The following SLC9A2 variants were observed in gnomAD, a reference collection of about 807,000 sequenced individuals.
SLC9A2 encodes the protein solute carrier family 9 member A2.
A neutral mutation model predicts 71.7 loss-of-function variants in SLC9A2; 42 were observed. The observed-to-expected ratio is 0.59, with a 90% CI of 0.46 to 0.76. The LOEUF (loss-of-function observed/expected upper bound fraction) is 0.76. Among genes scored for constraint, SLC9A2 ranks in the 30% least tolerant of loss-of-function variants. The pLI is 0.00. For missense variants in SLC9A2, 829 were observed against 1,017.4 expected (o/e 0.81, Z 2.52); for synonymous variants, 396 against 392.5 (o/e 1.01, Z -0.10).
intron 1 of SLC9A2, among the ~76,000 whole-genome samples, chr2:102,654,692 C>G (rs556374290): frequency 1.3e-5 from 2 of 152,246 alleles, no homozygotes; most frequent in South Asian, 4.1e-4. Flanking sequence ...ATACGTTCTG[C>G]AAAACGCATC....
intron 7 of SLC9A2, among the ~76,000 whole-genome samples, chr2:102,698,484 C>T (rs751002268): frequency 4.6e-5 from 7 of 152,188 alleles, no homozygotes; most frequent in Non-Finnish European, 1.0e-4. Context: ...ATCCCCAAAA[C>T]TCAGCTGCTC....
At chr2:102,683,682 A>C (rs1370617355) in intron 4 of SLC9A2, among the ~76,000 whole-genome samples, 7 of 141,422 alleles carry the variant, frequency 4.9e-5, no homozygotes, top group East Asian at 2.0e-4. Flanking sequence ...TCCTTTTCTT[A>C]TCCTTTCTCA....
intron 3 of SLC9A2, among the ~76,000 whole-genome samples, chr2:102,670,897 C>T (rs1432675709): frequency 9.0e-6 from 1 of 111,388 alleles, no homozygotes; most frequent in Non-Finnish European, 1.8e-5. Flanking sequence ...TTTGGTTTAC[C>T]CACACTTTGT....
intron 1 of SLC9A2, among the ~76,000 whole-genome samples, chr2:102,654,129 G>A (rs193275669): frequency 7.2e-5 from 11 of 151,990 alleles, no homozygotes; most frequent in East Asian, 1.9e-4. Flanking sequence ...GATTGCTACC[G>A]CGTTAAGGAA....
intron 1 of SLC9A2, among the ~76,000 whole-genome samples, chr2:102,632,540 T>G (rs913999511): frequency 2.0e-5 from 3 of 152,128 alleles, no homozygotes; most frequent in African/African-American, 7.2e-5. Context: ...TGTTTATCAC[T>G]GCACATGGGC....
At chr2:102,650,669 C>T (rs1276522555) in intron 1 of SLC9A2, among the ~76,000 whole-genome samples, 1 of 152,106 alleles carries the variant, frequency 6.6e-6, no homozygotes, top group Admixed American at 6.6e-5. Context: ...TGCTTTCTTT[C>T]CTTATTGTTG....
chr2:102,657,649 T>A lies in SLC9A2; in HGVS notation c.375T>A (p.Ile125=), dbSNP rs768072167. The A allele has an allele frequency of 6.2e-7, 1 of 1,614,178 alleles. No individual in the cohort carries two copies. Among genetic ancestry groups the A allele is most frequent in the Non-Finnish European group, 8.5e-7 (1 of 1,180,012 alleles). The stretch of plus-strand genomic sequence containing the variant: ...TTGGACTTCTACTAGGTGGGATTAT[T>A]TTTGGTGTTGATGAGAAGTCTCCCC... The part of the protein sequence containing the change: ...IMVGLLLGGI[I]FGVDEKSPPA... Residue 125 remains isoleucine (I), a synonymous_variant, in exon 2 of 12, where the codon ATT becomes ATA. Transcript: ENST00000233969.
In SLC9A2 at chr2:102,698,166, A is replaced by G. The variant is rs556813355; in HGVS notation, c.1587-2904A>G. On this transcript the variant is annotated intron_variant, in intron 7 of 11. Coordinates refer to ENST00000233969, the MANE Select transcript of SLC9A2 (RefSeq NM_003048.6). ...GTGTTGCTGTCAGGAGTCCTGGTCC[A>G]ATGGGCCTAACATAAAACTCCAATT... 3.9e-5 allele frequency among the ~76,000 whole-genome samples: 6 copies of G among 152,294 alleles called. No homozygotes were observed. In the South Asian group the frequency reaches 6.2e-4, roughly 16 times the overall value.
intron 3 of SLC9A2, among the ~76,000 whole-genome samples, chr2:102,670,849 C>CTTTTTTTTTTT (rs10687841): frequency 1.6e-4 from 12 of 75,890 alleles, no homozygotes; most frequent in East Asian, 1.0e-3. Context: ...GGAAGGCATG[C>CTTTTTTTTTTT]TTTTTTTTTT....
At chr2:102,632,051 CAT>C (rs1198957583) in intron 1 of SLC9A2, among the ~76,000 whole-genome samples, 7 of 109,612 alleles carry the variant, frequency 6.4e-5, no homozygotes, top group African/African-American at 3.4e-4. Flanking sequence ...TACACACACA[CAT>C]ATATATACAC....
chr2:102,706,133 C>G lies in SLC9A2; in HGVS notation c.2068+197C>G, dbSNP rs1228453310. On this transcript the variant is annotated intron_variant, in intron 11 of 11. Coordinates refer to ENST00000233969, the MANE Select transcript of SLC9A2 (RefSeq NM_003048.6). ...AGGAGATCGAGACCATCCTGGCTAACAAGGTGAAACCCCGTCTCTACTGAA... is the reference window on the plus strand; with the variant it reads ...AGGAGATCGAGACCATCCTGGCTAAGAAGGTGAAACCCCGTCTCTACTGAA... Among the ~76,000 whole-genome samples, 21 of 15,608 alleles carry G rather than the reference C, an allele frequency of 1.3e-3. 8 individuals carry two copies. The highest frequency in any genetic ancestry group is 0.013 in the Admixed American group (17 of 1,318). 10.2% of individuals were successfully genotyped at this position (15,608 alleles called of 152,430 possible).
At chr2:102,689,752 G>A (rs1377351650) in intron 5 of SLC9A2, 2 of 152,358 alleles carry the variant, frequency 1.3e-5, no homozygotes, top group East Asian at 3.9e-4. Flanking sequence ...GTATAAGACA[G>A]TTCCATGTGT....
At chr2:102,701,000 AT>A in intron 7 of SLC9A2, 69 bp from the exon 8 acceptor site, 1 of 1,123,888 alleles carries the variant, frequency 8.9e-7, no homozygotes, top group Non-Finnish European at 1.3e-6. Flanking sequence ...AAATGACTTC[AT>A]TGGTAAAAAC....
At chr2:102,695,770 A>AAT (rs1677744607) in intron 7 of SLC9A2, among the ~76,000 whole-genome samples, 1 of 99,668 alleles carries the variant, frequency 1.0e-5, no homozygotes, top group African/African-American at 3.6e-5. Context: ...ATATATATAT[A>AAT]ATATATATTA....
chr2:102,704,765 T>G lies in SLC9A2; in HGVS notation c.1977+90T>G, dbSNP rs1264224278. 6 of 1,403,620 alleles carry G rather than the reference T, an allele frequency of 4.3e-6. No homozygotes were observed. In the East Asian group the frequency reaches 1.0e-4, roughly 24 times the overall value. 86.9% of individuals were successfully genotyped at this position (1,403,620 alleles called of 1,614,324 possible). ...CTGATGGTATCATCAGCTCTGCAGA[T>G]CAAGTGGCTGTTGACAGTTCTCTGA... On this transcript the variant is annotated intron_variant, in intron 10 of 11. Transcript: ENST00000233969.
Position 102,661,815 on chromosome 2 carries a change from G to A in SLC9A2, c.754-3285G>A, listed in dbSNP as rs114132630. 2.2e-3 allele frequency among the ~76,000 whole-genome samples: 328 copies of A among 152,222 alleles called. 2 individuals are homozygous for A. The highest frequency in any genetic ancestry group is 5.4e-3 in the East Asian group (28 of 5,176). Reference sequence around the variant, plus strand: ...GTCAAGGGGAGACCAACTTTGCACCGACTCACTAGAGTCATTTGTAGCCCA... The same window carrying A: ...GTCAAGGGGAGACCAACTTTGCACCAACTCACTAGAGTCATTTGTAGCCCA... On this transcript the variant is annotated intron_variant, in intron 2 of 11. Transcript: ENST00000233969.
intron 2 of SLC9A2, among the ~76,000 whole-genome samples, chr2:102,658,602 A>C (rs887443485): frequency 6.6e-6 from 1 of 151,662 alleles, no homozygotes; most frequent in African/African-American, 2.4e-5. Flanking sequence ...CTACTCAACC[A>C]GCACATTTCT....
chr2:102,634,643 A>T (rs1676433502), intron 1 of SLC9A2, among the ~76,000 whole-genome samples: 1 of 152,196 alleles, frequency 6.6e-6, no homozygotes, highest in Non-Finnish European at 1.5e-5. Flanking sequence ...GCTGTTATGA[A>T]TAAATAGGTT....
chr2:102,688,680 A>G (rs1677601550), intron 5 of SLC9A2, among the ~76,000 whole-genome samples: 1 of 152,146 alleles, frequency 6.6e-6, no homozygotes, highest in Non-Finnish European at 1.5e-5. Context: ...GTGAGCCGAG[A>G]TTTTGCCACT....
Sources: gnomAD v4.1 joint callset for allele counts (sites outside exome capture counted in the v4.1 genomes callset) on GRCh38, gnomAD v4.1.1 for gene constraint, MANE v1.5 for transcripts, NCBI Gene and HGNC (gene_info 2026-07-23, HGNC 2026-07-21) for gene names.